Variants in RASA3 observed in about 807,000 individuals in gnomAD.
RASA3 encodes RAS p21 protein activator 3, also known as ras GTPase-activating protein 3.
A neutral mutation model predicts 110.0 loss-of-function variants in RASA3; 73 were observed. That is an observed-to-expected ratio of 0.66 (90% CI 0.55 to 0.81). RASA3 has a LOEUF of 0.81. Ranked by LOEUF, RASA3 falls within the 30% of genes least tolerant of loss-of-function variation. The probability of loss-of-function intolerance (pLI) is 0.00; values close to 1 mark genes in which losing one functional copy is unlikely to be tolerated. For synonymous variants in RASA3, 500 were observed against 451.4 expected, an observed-to-expected ratio of 1.11 and a Z score of -1.37; for missense variants, 976 against 1,113.2, an observed-to-expected ratio of 0.88 and a Z score of 1.75.
At chr13:114,040,087 C>T (rs1428969471) in intron 4 of RASA3, among the ~76,000 whole-genome samples, 1 of 152,276 alleles carries the variant, frequency 6.6e-6, no homozygotes, top group Non-Finnish European at 1.5e-5. Context: ...GCGTGCCTGT[C>T]CTTTCCCACC....
At chr13:114,063,326 C>T (rs912257270) in intron 2 of RASA3, among the ~76,000 whole-genome samples, 6 of 149,626 alleles carry the variant, frequency 4.0e-5, no homozygotes, top group African/African-American at 1.5e-4. Flanking sequence ...TTAAAATATA[C>T]AAAATATAAA....
At position 114,112,333 on chromosome 13, in the gene RASA3, G is replaced by A. The variant is rs115096895; in HGVS notation, c.55+20102C>T. On this transcript the variant is annotated intron_variant, in intron 1 of 23. Coordinates refer to ENST00000334062, the MANE Select transcript of RASA3 (RefSeq NM_007368.4). This position sits in a 1 kb window ranked among gnomAD's most constrained non-coding sequence, Gnocchi z 4.8. Reference sequence around the variant, plus strand: ...GGCCTGGGGCAGCCGGAACCTGGCCGGGTGGAGGATTTCTACCACGAGAAA... The same window carrying A: ...GGCCTGGGGCAGCCGGAACCTGGCCAGGTGGAGGATTTCTACCACGAGAAA... Among the ~76,000 whole-genome samples, 1,154 of 152,310 alleles carry A rather than the reference G, an allele frequency of 7.6e-3. 12 individuals are homozygous for A. The highest frequency in any genetic ancestry group is 0.026 in the African/African-American group (1,095 of 41,550).
intron 1 of RASA3, among the ~76,000 whole-genome samples, chr13:114,121,996 C>T (rs2080384789): frequency 6.6e-6 from 1 of 152,248 alleles, no homozygotes; most frequent in South Asian, 2.1e-4. Flanking sequence ...TACCTCCAGC[C>T]ACCGCCCCTA....
intron 1 of RASA3, among the ~76,000 whole-genome samples, chr13:114,079,661 G>A (rs2139689612): frequency 6.6e-6 from 1 of 152,332 alleles, no homozygotes; most frequent in Admixed American, 6.5e-5. Flanking sequence ...TCCAGGCCCT[G>A]GCAGGGTCTC....
rs2053259016 is a variant in RASA3 at position 113,996,488 on chromosome 13, T to G, written c.2141+43A>C. On this transcript the variant is annotated intron_variant, in intron 21 of 23. Coordinates refer to ENST00000334062, the MANE Select transcript of RASA3 (RefSeq NM_007368.4). ...TCCCTACTCAGCCCCTTGGCCACAT[T>G]TCCTGCACAGTGCACGAGCTGGGCA... The G allele has an allele frequency of 2.5e-6, 4 of 1,577,572 alleles. No homozygotes were observed. The South Asian group carries it at 4.5e-5, about 18-fold the overall frequency.
At chr13:113,989,337 C>T (rs1333898451) in intron 22 of RASA3, among the ~76,000 whole-genome samples, 2 of 146,420 alleles carry the variant, frequency 1.4e-5, no homozygotes, top group Non-Finnish European at 3.0e-5. Context: ...ACTCACCCAT[C>T]CTTCCATCCA....
chr13:114,126,817 C>T (rs2080456890), intron 1 of RASA3, among the ~76,000 whole-genome samples: 1 of 152,210 alleles, frequency 6.6e-6, no homozygotes, highest in African/African-American at 2.4e-5. Flanking sequence ...CTTTCACAAA[C>T]CAAGAAACCA....
intron 8 of RASA3, among the ~76,000 whole-genome samples, chr13:114,022,528 G>A (rs2139336352): frequency 6.6e-6 from 1 of 152,342 alleles, no homozygotes; most frequent in East Asian, 1.9e-4. Flanking sequence ...GGAGGGAGAA[G>A]ATTCCAGAAG....
At chr13:113,997,676 G>C (rs1418455207) in intron 20 of RASA3, among the ~76,000 whole-genome samples, 1 of 152,162 alleles carries the variant, frequency 6.6e-6, no homozygotes, top group East Asian at 1.9e-4. Context: ...AGCCGGCTCT[G>C]TTGCACACAG....
In RASA3 at chr13:114,131,943, C is replaced by T. The variant is rs115822532; in HGVS notation, c.55+492G>A. Among the ~76,000 whole-genome samples, 1,304 of 152,290 alleles carry T rather than the reference C, an allele frequency of 8.6e-3. 13 individuals carry two copies. The highest frequency in any genetic ancestry group is 0.03 in the African/African-American group (1,247 of 41,554). ...CAGCAGCGCGCCGGGGCCTCACGCC[C>T]CTGGGGAGAAGCGTGAAGGAGCCTC... On this transcript the variant is annotated intron_variant, in intron 1 of 23. Coordinates refer to ENST00000334062, the MANE Select transcript of RASA3 (RefSeq NM_007368.4).
In RASA3 at chr13:114,045,927, G is replaced by A. The variant is rs75161146; in HGVS notation, c.278-4833C>T. Among the ~76,000 whole-genome samples, 475 of 99,990 alleles carry A rather than the reference G, an allele frequency of 4.8e-3. 3 individuals are homozygous for A. The highest frequency in any genetic ancestry group is 0.023 in the African/African-American group (446 of 19,776). 65.6% of individuals were successfully genotyped at this position (99,990 alleles called of 152,430 possible). The stretch of plus-strand genomic sequence containing the variant: ...TCACAAAACACTGATGAGAGAAATT[G>A]GAAAGACCCAAGCGTGTAAAGATAT... On this transcript the variant is annotated intron_variant, in intron 3 of 23. Transcript: ENST00000334062.
chr13:114,080,990 GCAGAGGGCCGTCCACCTAGAA>G (rs2079778200), intron 1 of RASA3, among the ~76,000 whole-genome samples: 1 of 151,674 alleles, frequency 6.6e-6, no homozygotes, highest in South Asian at 2.1e-4. Context: ...GTGCCCCTCG[GCAGAGGGCCGTCCACCTAGAA>G]CACCAAGAGT....
At chr13:113,999,450 G>GT in intron 20 of RASA3, 135 bp downstream of exon 20, 1 of 691,098 alleles carries the variant, frequency 1.4e-6, no homozygotes, top group South Asian at 1.7e-5. Context: ...AACAACCCGA[G>GT]TAACACGAAG....
At chr13:114,059,082 A>C (rs1197297984) in intron 2 of RASA3, among the ~76,000 whole-genome samples, 1 of 152,226 alleles carries the variant, frequency 6.6e-6, no homozygotes, top group Non-Finnish European at 1.5e-5. Flanking sequence ...TCTGCAGCGA[A>C]GCGGAGGATT....
Position 114,091,868 on chromosome 13 carries a change from C to T in RASA3, c.56-18031G>A, listed in dbSNP as rs116007655. Among the ~76,000 whole-genome samples the T allele has an allele frequency of 3.5e-3, 532 of 152,096 alleles. 4 individuals are homozygous for T. The highest frequency in any genetic ancestry group is 0.012 in the African/African-American group (505 of 41,466). Reference sequence around the variant, plus strand: ...AGATTTTTTGTTCTGATTTCTACGTCTGTTCAGGTTCTGTTTCTTTATGGC... The same window carrying T: ...AGATTTTTTGTTCTGATTTCTACGTTTGTTCAGGTTCTGTTTCTTTATGGC... On this transcript the variant is annotated intron_variant, in intron 1 of 23. Transcript: ENST00000334062.
chr13:113,989,713 C>T lies in RASA3; in HGVS notation c.2245+2772G>A, dbSNP rs77363170. On this transcript the variant is annotated intron_variant, in intron 22 of 23. Coordinates refer to ENST00000334062, the MANE Select transcript of RASA3 (RefSeq NM_007368.4). ...TCACTCACCCATCCTTCCATCCACC[C>T]ATCTCTCACCCAACCGTCCATCCAC... Among the ~76,000 whole-genome samples, 1,522 of 152,316 alleles carry T rather than the reference C, an allele frequency of 1.0e-2. 15 individuals are homozygous for T. Among genetic ancestry groups the T allele is most frequent in the Middle Eastern group, 0.068 (20 of 294 alleles).
chr13:114,030,484 G>GCAAGACTCATGCAGAGA (rs1566501856), intron 4 of RASA3, among the ~76,000 whole-genome samples: 2 of 130,330 alleles, frequency 1.5e-5, no homozygotes, highest in African/African-American at 6.5e-5. Flanking sequence ...TCACACAGAG[G>GCAAGACTCATGCAGAGA]GCAAGACTCA....
At chr13:114,051,932 G>A in intron 3 of RASA3, 120 bp downstream of exon 3, 1 of 704,032 alleles carries the variant, frequency 1.4e-6, no homozygotes, top group East Asian at 2.8e-5. Context: ...GGGCTGCTGT[G>A]ACCTCAAGCC....
intron 1 of RASA3, among the ~76,000 whole-genome samples, chr13:114,122,676 C>A (rs2080394046): frequency 7.0e-6 from 1 of 143,528 alleles, no homozygotes; most frequent in Admixed American, 7.0e-5. Flanking sequence ...AAGCAGAGGG[C>A]ACAGCATTCA....
Sources: gnomAD v4.1 joint callset for allele counts (sites outside exome capture counted in the v4.1 genomes callset) on GRCh38, gnomAD v4.1.1 for gene constraint, Gnocchi (gnomAD v3.1) non-coding constraint, MANE v1.5 for transcripts, NCBI Gene and HGNC (gene_info 2026-07-23, HGNC 2026-07-21) for gene names.